ARNT2: variants seen among roughly 807,000 people sequenced by gnomAD.
ARNT2 encodes ARNT protein 2.
ARNT2 carries 36 observed loss-of-function variants against 91.7 expected under a neutral mutation model. That is an observed-to-expected ratio of 0.39 (90% CI 0.30 to 0.52). The LOEUF is 0.52. Ranked by LOEUF, ARNT2 falls within the 20% of genes least tolerant of loss-of-function variation. The pLI, the probability that ARNT2 is intolerant of heterozygous loss-of-function variation, is 0.72. For missense variants in ARNT2, 775 were observed against 939.3 expected, an observed-to-expected ratio of 0.83 and a Z score of 2.29; for synonymous variants, 365 against 347.1, an observed-to-expected ratio of 1.05 and a Z score of -0.57.
chr15:80,569,455 G>C (rs991075222), intron 12 of ARNT2, among the ~76,000 whole-genome samples: 1 of 152,252 alleles, frequency 6.6e-6, no homozygotes, highest in African/African-American at 2.4e-5. Flanking sequence ...TACCATTGCC[G>C]TGAAATGTCT....
chr15:80,577,980 C>T (rs573228686), intron 15 of ARNT2, among the ~76,000 whole-genome samples: 30 of 152,314 alleles, frequency 2.0e-4, no homozygotes, highest in South Asian at 1.2e-3. Context: ...CCATCATCAC[C>T]GCAGGTCACG....
At chr15:80,426,539 G>A (rs984098426) in intron 1 of ARNT2, among the ~76,000 whole-genome samples, 2 of 152,140 alleles carry the variant, frequency 1.3e-5, no homozygotes, top group Admixed American at 6.5e-5. Flanking sequence ...GCATGGGAGC[G>A]GGTAGGGCTA....
chr15:80,591,701 C>T lies in ARNT2; in HGVS notation c.2052C>T (p.Phe684=). 6.2e-7 allele frequency: 1 copy of T among 1,613,944 alleles called. No homozygotes were observed. Among genetic ancestry groups the T allele is most frequent in the South Asian group, 1.1e-5 (1 of 91,070 alleles). Residue 684 remains phenylalanine (F), a synonymous_variant, in exon 18 of 19, where the codon TTC becomes TTT. Coordinates refer to ENST00000303329, the MANE Select transcript of ARNT2 (RefSeq NM_014862.4). This position sits in a 1 kb window ranked among gnomAD's most constrained non-coding sequence, Gnocchi z 5.1. ...SHQQPGQTEV[F]QDMLPMPGDP... Reference sequence around the variant, plus strand: ...AGCAGCCCGGTCAGACTGAAGTGTTCCAGGTAAATCGAGCGAGCACCGCCT... The same window carrying T: ...AGCAGCCCGGTCAGACTGAAGTGTTTCAGGTAAATCGAGCGAGCACCGCCT...
At chr15:80,553,616 GA>G (rs977137537) in intron 10 of ARNT2, among the ~76,000 whole-genome samples, 8 of 151,474 alleles carry the variant, frequency 5.3e-5, no homozygotes, top group Non-Finnish European at 1.0e-4. Flanking sequence ...CATATATGAA[GA>G]AAAAAATGCA....
intron 5 of ARNT2, among the ~76,000 whole-genome samples, chr15:80,491,830 G>A (rs1897061407): frequency 8.6e-6 from 1 of 116,130 alleles, no homozygotes; most frequent in Non-Finnish European, 1.7e-5. Flanking sequence ...TTAAGTATAG[G>A]CATATTCAGT....
At position 80,597,521 on chromosome 15, in the gene ARNT2, C is replaced by T. The variant is rs569443731; in HGVS notation, c.*3823C>T. ...AGTCTGGGGCAACTTAAGGAGGCAC[C>T]ACACAGTGGTGCAGGCACATTTCCA... On this transcript the variant is annotated 3_prime_UTR_variant, in exon 19 of 19. Transcript: ENST00000303329. 1.0e-4 allele frequency: 31 copies of T among 305,208 alleles called. No individual in the cohort carries two copies. The highest frequency in any genetic ancestry group is 6.3e-4 in the African/African-American group (29 of 45,798). 18.9% of individuals were successfully genotyped at this position (305,208 alleles called of 1,614,324 possible). A position where few individuals can be genotyped will look rare whatever the true frequency, so the allele number is the denominator to read the frequency against.
intron 4 of ARNT2, 36 bp from the exon 5 acceptor site, chr15:80,474,974 C>T (rs1386186410): frequency 1.9e-6 from 3 of 1,600,926 alleles, no homozygotes; most frequent in Non-Finnish European, 2.6e-6. Context: ...CTGGGTCTGT[C>T]AGTGTATTGT....
At position 80,411,426 on chromosome 15, in the gene ARNT2, A is replaced by G. The variant is rs535193476; in HGVS notation, c.31+6880A>G. Among the ~76,000 whole-genome samples, 13 of 152,300 alleles carry G rather than the reference A, an allele frequency of 8.5e-5. No homozygotes were observed. The South Asian group carries it at 2.5e-3, about 29-fold the overall frequency. Reference sequence around the variant, plus strand: ...TTATTTTGTATGTGGCTGCCTTTCAATGACTCCCTTGAAGGAAAGAAAGCA... The same window carrying G: ...TTATTTTGTATGTGGCTGCCTTTCAGTGACTCCCTTGAAGGAAAGAAAGCA... On this transcript the variant is annotated intron_variant, in intron 1 of 18. Transcript: ENST00000303329.
chr15:80,406,605 G>A (rs1895604513), intron 1 of ARNT2, among the ~76,000 whole-genome samples: 1 of 152,168 alleles, frequency 6.6e-6, no homozygotes, highest in Non-Finnish European at 1.5e-5. Flanking sequence ...ATCTAAAGAT[G>A]GAGTAACTGC....
At chr15:80,534,504 G>A (rs1419231525) in intron 8 of ARNT2, among the ~76,000 whole-genome samples, 1 of 152,072 alleles carries the variant, frequency 6.6e-6, no homozygotes, top group Admixed American at 6.5e-5. Flanking sequence ...AAAACCAATT[G>A]ACAATATTCT....
intron 4 of ARNT2, among the ~76,000 whole-genome samples, chr15:80,471,381 A>T (rs1205996654): frequency 2.0e-5 from 3 of 152,172 alleles, no homozygotes; most frequent in African/African-American, 7.2e-5. Flanking sequence ...CTCCTAGAGG[A>T]TGGAGGTTGG....
At chr15:80,568,847 G>T (rs745456848) in intron 12 of ARNT2, among the ~76,000 whole-genome samples, 18 of 152,092 alleles carry the variant, frequency 1.2e-4, no homozygotes, top group Non-Finnish European at 2.6e-4. Flanking sequence ...AGTGATCATC[G>T]GTCTTCCTGA....
chr15:80,537,553 A>G (rs1162023321), intron 8 of ARNT2, among the ~76,000 whole-genome samples: 1 of 152,238 alleles, frequency 6.6e-6, no homozygotes, highest in East Asian at 1.9e-4. Context: ...TGCTTCTGTA[A>G]CTAGTGGGAA....
chr15:80,433,272 ATTTTATTTTAT>A (rs1269417772), intron 1 of ARNT2, among the ~76,000 whole-genome samples: 9 of 139,710 alleles, frequency 6.4e-5, no homozygotes, highest in Non-Finnish European at 9.3e-5. Context: ...ATTTTATTTT[ATTTTATTTTAT>A]TTTATTTTAT....
chr15:80,522,833 T>C (rs1897575211), intron 8 of ARNT2, among the ~76,000 whole-genome samples: 2 of 149,432 alleles, frequency 1.3e-5, no homozygotes, highest in Non-Finnish European at 1.5e-5. Context: ...TATATATATA[T>C]ATACACACAT....
chr15:80,490,451 G>A (rs1216500023), intron 5 of ARNT2, among the ~76,000 whole-genome samples: 4 of 152,254 alleles, frequency 2.6e-5, no homozygotes, highest in African/African-American at 4.8e-5. Flanking sequence ...AAATTGGTGC[G>A]TGAGATCCAG....
intron 3 of ARNT2, among the ~76,000 whole-genome samples, chr15:80,466,094 C>G (rs12324462): frequency 0.012 from 1,862 of 152,328 alleles, 47 homozygotes; most frequent in African/African-American, 0.041. Flanking sequence ...TCTGCTTGCT[C>G]CGGGTCTAAG....
intron 1 of ARNT2, among the ~76,000 whole-genome samples, chr15:80,446,631 C>G (rs1387126948): frequency 6.6e-6 from 1 of 152,220 alleles, no homozygotes; most frequent in African/African-American, 2.4e-5. Flanking sequence ...TTACAGGGTA[C>G]AGGGCTGACC....
intron 8 of ARNT2, among the ~76,000 whole-genome samples, chr15:80,543,969 G>C (rs943042346): frequency 3.9e-5 from 6 of 152,042 alleles, no homozygotes; most frequent in African/African-American, 1.4e-4. Context: ...TCAAACTCCT[G>C]ACCTCAAGTG....
Sources: gnomAD v4.1 joint callset for allele counts (sites outside exome capture counted in the v4.1 genomes callset) on GRCh38, gnomAD v4.1.1 for gene constraint, Gnocchi (gnomAD v3.1) non-coding constraint, MANE v1.5 for transcripts, NCBI Gene and HGNC (gene_info 2026-07-23, HGNC 2026-07-21) for gene names.